CTNNA3: variants seen among roughly 807,000 people sequenced by gnomAD.
CTNNA3 encodes catenin alpha 3, also known as catenin alpha-3.
CTNNA3 carries 76 observed loss-of-function variants against 95.7 expected under a neutral mutation model. The observed-to-expected ratio is 0.79, with a 90% CI of 0.66 to 0.96. The LOEUF is 0.96. Among genes scored for constraint, CTNNA3 ranks in the 40% least tolerant of loss-of-function variants. The probability of loss-of-function intolerance (pLI) is 0.00; values close to 1 mark genes in which losing one functional copy is unlikely to be tolerated. For synonymous variants in CTNNA3, 431 were observed against 374.4 expected, an observed-to-expected ratio of 1.15 and a Z score of -1.74; for missense variants, 1,191 against 1,089.8, an observed-to-expected ratio of 1.09 and a Z score of -1.31.
At position 66,416,533 on chromosome 10, in the gene CTNNA3, T is replaced by C. The variant is rs7906213; in HGVS notation, c.1532-37181A>G. The stretch of plus-strand genomic sequence containing the variant: ...TAAAATTTCTAAAATCCATGAAAAA[T>C]AGAGAATTTTTTTTTTTAAAAAAAA... On this transcript the variant is annotated intron_variant, in intron 11 of 17. Transcript: ENST00000433211. Among the ~76,000 whole-genome samples, 2,754 of 130,766 alleles carry C rather than the reference T, an allele frequency of 0.021. 199 individuals are homozygous for C. The East Asian group carries it at 0.28, about 13-fold the overall frequency. 85.8% of individuals were successfully genotyped at this position (130,766 alleles called of 152,430 possible). A position where few individuals can be genotyped will look rare whatever the true frequency, so the allele number is the denominator to read the frequency against.
At chr10:66,240,390 A>G (rs919132845) in intron 13 of CTNNA3, among the ~76,000 whole-genome samples, 3 of 152,072 alleles carry the variant, frequency 2.0e-5, no homozygotes, top group African/African-American at 7.2e-5. Flanking sequence ...TAAGCATTGT[A>G]TCATCCACAT....
chr10:66,679,909 C>A (rs1847005221), intron 9 of CTNNA3, among the ~76,000 whole-genome samples: 1 of 152,148 alleles, frequency 6.6e-6, no homozygotes, highest in Non-Finnish European at 1.5e-5. Context: ...AAACCAATTT[C>A]TCCAAAACAG....
At chr10:67,259,793 C>T (rs1192978078) in intron 5 of CTNNA3, among the ~76,000 whole-genome samples, 1 of 152,106 alleles carries the variant, frequency 6.6e-6, no homozygotes, top group Non-Finnish European at 1.5e-5. Context: ...GATTCTGCCT[C>T]TTTTCTACTA....
chr10:66,827,831 A>G (rs1220933572), intron 7 of CTNNA3, among the ~76,000 whole-genome samples: 1 of 152,240 alleles, frequency 6.6e-6, no homozygotes, highest in Non-Finnish European at 1.5e-5. Flanking sequence ...AAACCTTTCT[A>G]AAAGTCTCAC....
chr10:67,064,943 A>G (rs1278163198), intron 7 of CTNNA3, among the ~76,000 whole-genome samples: 1 of 152,202 alleles, frequency 6.6e-6, no homozygotes, highest in African/African-American at 2.4e-5. Context: ...TCAATAAAGA[A>G]AATGCATGTA....
chr10:67,467,555 T>C (rs1204484966), intron 5 of CTNNA3, among the ~76,000 whole-genome samples: 2 of 152,160 alleles, frequency 1.3e-5, no homozygotes, highest in African/African-American at 4.8e-5. Context: ...TGATTCCCAT[T>C]TATTGAACAA....
At chr10:66,125,858 G>A (rs1644027538) in intron 13 of CTNNA3, among the ~76,000 whole-genome samples, 1 of 152,138 alleles carries the variant, frequency 6.6e-6, no homozygotes, top group African/African-American at 2.4e-5. Context: ...GAGAGGAGGA[G>A]GATTGAATAG....
intron 1 of CTNNA3, chr10:67,750,170 C>A: frequency 9.3e-7 from 1 of 1,077,494 alleles, no homozygotes; most frequent in Non-Finnish European, 1.4e-6. Context: ...CACGAAGGTC[C>A]GTGGCTTCAT....
chr10:67,558,258 T>A lies in CTNNA3; in HGVS notation c.293-18589A>T, dbSNP rs72806680. Among the ~76,000 whole-genome samples, 467 of 152,312 alleles carry A rather than the reference T, an allele frequency of 3.1e-3. 4 individuals carry two copies. The highest frequency in any genetic ancestry group is 2.1e-3 in the Non-Finnish European group (146 of 68,026). On this transcript the variant is annotated intron_variant, in intron 3 of 17. Coordinates refer to ENST00000433211, the MANE Select transcript of CTNNA3 (RefSeq NM_013266.4). ...ATGGTCCCTCCCAAATATACTCCAC[T>A]AGAAAGGAGCTGGAATAGGTCAAGT...
chr10:66,318,424 A>T (rs182878869), intron 12 of CTNNA3, among the ~76,000 whole-genome samples: 9 of 151,880 alleles, frequency 5.9e-5, no homozygotes, highest in South Asian at 4.2e-4. Flanking sequence ...AGACAAGTGC[A>T]CCTATCTTTC....
chr10:66,818,276 T>C (rs1842166268), intron 7 of CTNNA3, among the ~76,000 whole-genome samples: 1 of 149,898 alleles, frequency 6.7e-6, no homozygotes, highest in South Asian at 2.1e-4. Context: ...GCTGGAATTC[T>C]AACTGGGGTA....
intron 15 of CTNNA3, among the ~76,000 whole-genome samples, chr10:66,004,421 G>C (rs1415219218): frequency 6.6e-6 from 1 of 152,034 alleles, no homozygotes; most frequent in Non-Finnish European, 1.5e-5. Flanking sequence ...GGTCTGAAAA[G>C]AGATAGATCT....
chr10:66,478,565 G>T (rs1565001751), intron 11 of CTNNA3, among the ~76,000 whole-genome samples: 1 of 151,674 alleles, frequency 6.6e-6, no homozygotes, highest in Admixed American at 6.6e-5. Context: ...AATTTTTGAT[G>T]AAAAAATATA....
intron 1 of CTNNA3, among the ~76,000 whole-genome samples, chr10:67,661,699 C>T (rs1450450363): frequency 2.0e-5 from 3 of 152,036 alleles, no homozygotes; most frequent in Non-Finnish European, 4.4e-5. Context: ...TGAAAAACAA[C>T]TCAACTCTTT....
At chr10:67,085,017 T>C (rs368535278) in intron 7 of CTNNA3, among the ~76,000 whole-genome samples, 3 of 152,106 alleles carry the variant, frequency 2.0e-5, no homozygotes, top group East Asian at 3.9e-4. Context: ...ATCCTAATGA[T>C]ACTGAAGATC....
chr10:67,759,243 C>A (rs1589590986), intron 1 of CTNNA3, among the ~76,000 whole-genome samples: 2 of 152,142 alleles, frequency 1.3e-5, no homozygotes, highest in Admixed American at 6.5e-5. Context: ...TCATAATTTT[C>A]TTTGTCCAAT....
intron 13 of CTNNA3, among the ~76,000 whole-genome samples, chr10:66,214,930 A>C (rs1033451262): frequency 6.6e-6 from 1 of 152,316 alleles, no homozygotes; most frequent in South Asian, 2.1e-4. Context: ...ATGACTCATG[A>C]GTAAGTCTTA....
intron 15 of CTNNA3, among the ~76,000 whole-genome samples, chr10:65,991,561 A>G (rs1421353434): frequency 2.0e-5 from 3 of 151,682 alleles, no homozygotes; most frequent in African/African-American, 7.3e-5. Flanking sequence ...CACATTTTTC[A>G]GACTGGTGTA....
chr10:65,980,492 A>G (rs963809770), intron 16 of CTNNA3, among the ~76,000 whole-genome samples: 4 of 151,628 alleles, frequency 2.6e-5, no homozygotes, highest in South Asian at 2.1e-4. Context: ...TGAAGCCAGT[A>G]TAACTCTAGT....
Sources: allele counts gnomAD v4.1 joint callset (sites outside exome capture counted in the v4.1 genomes callset), GRCh38; gene constraint gnomAD v4.1.1; transcripts MANE v1.5; gene names NCBI Gene and HGNC (gene_info 2026-07-23, HGNC 2026-07-21).